SUPT3H: variants seen among roughly 807,000 people sequenced by gnomAD.
The protein encoded by SUPT3H is SPT3 homolog, SAGA and STAGA complex component.
SUPT3H carries 44 observed loss-of-function variants against 44.3 expected under a neutral mutation model. The observed-to-expected ratio is 0.99, with a 90% CI of 0.78 to 1.28. The LOEUF is 1.28. Among genes scored for constraint, SUPT3H ranks in the 50% most tolerant of loss-of-function variants. The pLI is 0.00. For missense variants in SUPT3H, 380 were observed against 387.1 expected (o/e 0.98, Z 0.15); for synonymous variants, 124 against 125.6 (o/e 0.99, Z 0.09).
At chr6:44,941,533 G>A (rs1401399572) in intron 9 of SUPT3H, among the ~76,000 whole-genome samples, 2 of 152,044 alleles carry the variant, frequency 1.3e-5, no homozygotes, top group African/African-American at 2.4e-5. Flanking sequence ...TTTCTTATAG[G>A]TGACTGAAAA....
chr6:44,909,758 G>A (rs1258605171), intron 10 of SUPT3H, among the ~76,000 whole-genome samples: 1 of 152,094 alleles, frequency 6.6e-6, no homozygotes, highest in Non-Finnish European at 1.5e-5. Flanking sequence ...CTCAGGCCCA[G>A]GGCTCTTCCC....
Position 45,306,111 on chromosome 6 carries a change from T to C in SUPT3H, c.101+59090A>G, listed in dbSNP as rs1218454734. ...ATATCAGTGCCATTATGGACCCAGA[T>C]GCCAGAGCCATACTCCCTCCACAAG... On this transcript the variant is annotated intron_variant, in intron 2 of 10. Transcript: ENST00000371459. Among the ~76,000 whole-genome samples the C allele has an allele frequency of 2.0e-5, 3 of 152,310 alleles. No individual in the cohort carries two copies. In the East Asian group the frequency reaches 5.8e-4, roughly 29 times the overall value.
intron 5 of SUPT3H, 116 bp downstream of exon 5, chr6:45,014,685 G>T: frequency 3.5e-6 from 2 of 574,416 alleles, no homozygotes; most frequent in Non-Finnish European, 2.8e-6. Context: ...CACTTGATTT[G>T]TTGACAGTAA....
intron 3 of SUPT3H, among the ~76,000 whole-genome samples, chr6:45,081,589 T>G (rs1795820856): frequency 6.6e-6 from 1 of 152,112 alleles, no homozygotes; most frequent in South Asian, 2.1e-4. Context: ...CAATAAGTCT[T>G]TGATGAGTGA....
At chr6:45,217,487 A>AT (rs1402685687) in intron 2 of SUPT3H, among the ~76,000 whole-genome samples, 5 of 151,990 alleles carry the variant, frequency 3.3e-5, no homozygotes, top group African/African-American at 1.2e-4. Flanking sequence ...AAATAAAATA[A>AT]AATAAAATAA....
intron 2 of SUPT3H, among the ~76,000 whole-genome samples, chr6:45,201,398 A>G (rs1043612212): frequency 1.1e-4 from 17 of 151,834 alleles, no homozygotes; most frequent in Non-Finnish European, 2.2e-4. Flanking sequence ...CATTTGGTAA[A>G]ATACAGGAAG....
intron 2 of SUPT3H, among the ~76,000 whole-genome samples, chr6:45,323,144 C>T (rs1332527905): frequency 2.6e-5 from 4 of 152,110 alleles, no homozygotes; most frequent in Non-Finnish European, 4.4e-5. Context: ...ATAAGTAACA[C>T]TAACTTACAA....
At chr6:45,345,106 T>C (rs561434851) in intron 2 of SUPT3H, among the ~76,000 whole-genome samples, 1 of 152,128 alleles carries the variant, frequency 6.6e-6, no homozygotes, top group African/African-American at 2.4e-5. Context: ...CTGCCTCACA[T>C]GGATGTTTTG....
At chr6:45,104,041 T>C (rs1798943209) in intron 3 of SUPT3H, among the ~76,000 whole-genome samples, 1 of 152,060 alleles carries the variant, frequency 6.6e-6, no homozygotes, top group African/African-American at 2.4e-5. Context: ...TGTAAGAGAC[T>C]TCATCATTAG....
At chr6:44,894,967 G>T (rs1285009135) in intron 10 of SUPT3H, among the ~76,000 whole-genome samples, 2 of 151,824 alleles carry the variant, frequency 1.3e-5, no homozygotes, top group African/African-American at 4.8e-5. Context: ...AAACTTAAGA[G>T]TGCATGAAGA....
chr6:45,204,772 GA>G (rs1293546648), intron 2 of SUPT3H, among the ~76,000 whole-genome samples: 1 of 152,108 alleles, frequency 6.6e-6, no homozygotes, highest in Non-Finnish European at 1.5e-5. Flanking sequence ...AACTCAGGCT[GA>G]AACCCAAAAT....
chr6:44,885,547 C>G (rs1234812271), intron 10 of SUPT3H, among the ~76,000 whole-genome samples: 1 of 152,172 alleles, frequency 6.6e-6, no homozygotes, highest in African/African-American at 2.4e-5. Context: ...AGACCTGCAG[C>G]TAAGGGTCCT....
chr6:45,249,385 A>G (rs1771959055), intron 2 of SUPT3H, among the ~76,000 whole-genome samples: 2 of 152,150 alleles, frequency 1.3e-5, no homozygotes, highest in African/African-American at 4.8e-5. Flanking sequence ...CTCTGTACTA[A>G]AAAGGCAAAA....
At chr6:44,940,754 G>A (rs1772273783) in intron 9 of SUPT3H, among the ~76,000 whole-genome samples, 2 of 152,130 alleles carry the variant, frequency 1.3e-5, no homozygotes, top group African/African-American at 4.8e-5. Flanking sequence ...GGTGTTGGGT[G>A]CATATATACT....
chr6:44,999,388 G>A (rs1203577770), intron 6 of SUPT3H, among the ~76,000 whole-genome samples: 3 of 151,948 alleles, frequency 2.0e-5, no homozygotes, highest in Admixed American at 1.3e-4. Context: ...ACACCACCAC[G>A]TGCACCTGAA....
intron 6 of SUPT3H, among the ~76,000 whole-genome samples, chr6:45,000,245 T>C (rs1489787857): frequency 6.6e-6 from 1 of 152,070 alleles, no homozygotes; most frequent in African/African-American, 2.4e-5. Flanking sequence ...TATTTGTGAA[T>C]GTTTATCTTA....
intron 10 of SUPT3H, among the ~76,000 whole-genome samples, chr6:44,909,979 T>C (rs1175562637): frequency 6.6e-6 from 1 of 152,180 alleles, no homozygotes; most frequent in Admixed American, 6.5e-5. Context: ...TGGAAAGTAT[T>C]TGGACAATAC....
At chr6:45,031,188 CAT>C (rs1459591133) in intron 3 of SUPT3H, among the ~76,000 whole-genome samples, 4 of 151,906 alleles carry the variant, frequency 2.6e-5, no homozygotes, top group African/African-American at 9.7e-5. Flanking sequence ...GTGAAGAACT[CAT>C]AAAAAAGTTT....
chr6:45,248,736 G>A (rs1250091048), intron 2 of SUPT3H, among the ~76,000 whole-genome samples: 2 of 152,010 alleles, frequency 1.3e-5, no homozygotes, highest in Non-Finnish European at 2.9e-5. Context: ...TCAACATGGT[G>A]AAACCCAGTC....
Sources: allele counts gnomAD v4.1 joint callset (sites outside exome capture counted in the v4.1 genomes callset), GRCh38; gene constraint gnomAD v4.1.1; transcripts MANE v1.5; gene names NCBI Gene and HGNC (gene_info 2026-07-23, HGNC 2026-07-21).